The following SRRM3 variants were observed in gnomAD, a reference collection of about 807,000 sequenced individuals.
SRRM3 encodes serine/arginine repetitive matrix 3.
Under a neutral mutation model 66.2 loss-of-function variants are expected in SRRM3, and 27 were observed. That is an observed-to-expected ratio of 0.41 (90% CI 0.30 to 0.56). The LOEUF is 0.56. Among genes scored for constraint, SRRM3 ranks in the 20% least tolerant of loss-of-function variants. SRRM3 has a pLI of 0.32. For missense variants in SRRM3, 918 were observed against 991.9 expected, an observed-to-expected ratio of 0.93 and a Z score of 1.00; for synonymous variants, 391 against 414.9, an observed-to-expected ratio of 0.94 and a Z score of 0.70.
chr7:76,241,043 G>T (rs1801282681), intron 2 of SRRM3, among the ~76,000 whole-genome samples: 1 of 152,122 alleles, frequency 6.6e-6, no homozygotes, highest in Non-Finnish European at 1.5e-5. Context: ...GATTACAGGT[G>T]TATGCCACCA....
intron 1 of SRRM3, among the ~76,000 whole-genome samples, chr7:76,229,145 G>T (rs1288134779): frequency 6.6e-6 from 1 of 152,000 alleles, no homozygotes; most frequent in Non-Finnish European, 1.5e-5. Context: ...TGATCCACCT[G>T]CCTTGTCCTC....
At chr7:76,246,507 T>C (rs899999172) in intron 2 of SRRM3, among the ~76,000 whole-genome samples, 10 of 151,890 alleles carry the variant, frequency 6.6e-5, no homozygotes, top group African/African-American at 2.4e-4. Context: ...GAGGTTGCAG[T>C]GAGCTGAGAT....
chr7:76,271,545 G>C (rs781901585), intron 11 of SRRM3, among the ~76,000 whole-genome samples: 2 of 152,106 alleles, frequency 1.3e-5, no homozygotes, highest in Non-Finnish European at 2.9e-5. Context: ...TCAGGAGGCT[G>C]AGACAGGAGG....
At chr7:76,248,146 A>C (rs782440051) in intron 2 of SRRM3, 42 bp from the exon 3 acceptor site, 24 of 1,549,338 alleles carry the variant, frequency 1.5e-5, no homozygotes, top group Non-Finnish European at 2.1e-5. Flanking sequence ...AGGGAACCAA[A>C]TCTGGGAGAC....
chr7:76,231,489 A>C (rs1362018423), intron 1 of SRRM3, among the ~76,000 whole-genome samples: 2 of 152,228 alleles, frequency 1.3e-5, no homozygotes, highest in African/African-American at 4.8e-5. Flanking sequence ...GCTCAGGCCA[A>C]GTTCTAGGCT....
chr7:76,231,209 T>C (rs1801007126), intron 1 of SRRM3, among the ~76,000 whole-genome samples: 1 of 152,238 alleles, frequency 6.6e-6, no homozygotes. Flanking sequence ...AATGACCTGC[T>C]GCAGATTCCC....
rs554802951 is a variant in SRRM3 at position 76,252,015 on chromosome 7, G to A, written c.335+3726G>A. 2.6e-5 allele frequency among the ~76,000 whole-genome samples: 4 copies of A among 152,252 alleles called. No individual in the cohort carries two copies. In the East Asian group the frequency reaches 7.7e-4, roughly 29 times the overall value. Reference sequence around the variant, plus strand: ...GAACCCAGGAGGTGGAGTTTGCACTGAGCCAAGATCACGCAACCACACTAC... The same window carrying A: ...GAACCCAGGAGGTGGAGTTTGCACTAAGCCAAGATCACGCAACCACACTAC... On this transcript the variant is annotated intron_variant, in intron 3 of 14. Transcript: ENST00000611745.
chr7:76,244,523 CAAA>C lies in SRRM3; in HGVS notation c.234-3647_234-3645del, dbSNP rs10611441. On this transcript the variant is annotated intron_variant, in intron 2 of 14. Transcript: ENST00000611745. ...TGGGCGACAGAGCAAGACTCCATCT[CAAA>C]AAAAAAAAAAAAAAAAAGTTGAAGA... is the stretch of plus-strand genomic sequence containing the variant. Among the ~76,000 whole-genome samples the C allele has an allele frequency of 8.5e-3, 957 of 112,136 alleles. 10 individuals carry two copies. The highest frequency in any genetic ancestry group is 0.02 in the African/African-American group (596 of 29,178). 73.6% of individuals were successfully genotyped at this position (112,136 alleles called of 152,430 possible).
At chr7:76,227,951 C>T (rs529156734) in intron 1 of SRRM3, among the ~76,000 whole-genome samples, 93 of 152,150 alleles carry the variant, frequency 6.1e-4, no homozygotes, top group Non-Finnish European at 1.2e-3. Flanking sequence ...GTCACTGCAA[C>T]CTCCACCTCC....
intron 1 of SRRM3, 170 bp from the exon 2 acceptor site, chr7:76,234,858 G>A: frequency 7.1e-6 from 4 of 564,946 alleles, no homozygotes; most frequent in South Asian, 6.7e-5. Flanking sequence ...GTGCCCTGAG[G>A]TGTGACCCAA....
At chr7:76,249,069 C>T (rs1801509595) in intron 3 of SRRM3, among the ~76,000 whole-genome samples, 1 of 152,142 alleles carries the variant, frequency 6.6e-6, no homozygotes. Context: ...CCACTGCTAC[C>T]ATGACCAATG....
In SRRM3 at chr7:76,286,126, T is replaced by G; in HGVS notation, c.*283T>G. 2.0e-6 allele frequency: 1 copy of G among 505,052 alleles called. No individual in the cohort carries two copies. The highest frequency in any genetic ancestry group is 3.6e-6 in the Non-Finnish European group (1 of 274,120). 31.3% of individuals were successfully genotyped at this position (505,052 alleles called of 1,614,324 possible). On this transcript the variant is annotated 3_prime_UTR_variant, in exon 15 of 15. Coordinates refer to ENST00000611745, the MANE Select transcript of SRRM3 (RefSeq NM_001110199.3). ...CGTTACGAACACAGGAATCTCCCCA[T>G]CCCCCTTCCTGCTGATGCCAACTCA...
At chr7:76,250,323 C>T (rs544065596) in intron 3 of SRRM3, among the ~76,000 whole-genome samples, 1 of 152,208 alleles carries the variant, frequency 6.6e-6, no homozygotes, top group South Asian at 2.1e-4. Context: ...CCTCTGCCCC[C>T]CGGGTTCAAG....
chr7:76,271,153 A>C (rs1802200994), intron 11 of SRRM3, among the ~76,000 whole-genome samples: 1 of 151,466 alleles, frequency 6.6e-6, no homozygotes, highest in South Asian at 2.1e-4. Context: ...AAGGTCACAC[A>C]GCTATTTAGA....
At chr7:76,264,551 G>C (rs782744106) in intron 8 of SRRM3, among the ~76,000 whole-genome samples, 1 of 152,166 alleles carries the variant, frequency 6.6e-6, no homozygotes, top group Non-Finnish European at 1.5e-5. Context: ...AGGTGTTCAC[G>C]GGCCAGGACT....
intron 3 of SRRM3, among the ~76,000 whole-genome samples, chr7:76,254,768 G>A (rs955281777): frequency 1.3e-5 from 2 of 152,100 alleles, no homozygotes; most frequent in Admixed American, 6.6e-5. Flanking sequence ...GCACTTTTGC[G>A]GCTGAGGACC....
At chr7:76,237,345 G>A (rs986402360) in intron 2 of SRRM3, among the ~76,000 whole-genome samples, 1 of 152,270 alleles carries the variant, frequency 6.6e-6, no homozygotes. Flanking sequence ...GGCGGAGGTT[G>A]CACTGAGCTG....
At chr7:76,252,254 C>T (rs1042400885) in intron 3 of SRRM3, among the ~76,000 whole-genome samples, 1 of 152,154 alleles carries the variant, frequency 6.6e-6, no homozygotes, top group African/African-American at 2.4e-5. Context: ...GGTCAGCCAG[C>T]GCATTCAAGG....
chr7:76,235,278 A>G lies in SRRM3; in HGVS notation c.212A>G (p.Gln71Arg). Residue 71 changes from glutamine (Q) to arginine (R), a missense_variant, in exon 2 of 15, where the codon CAG becomes CGG. Transcript: ENST00000611745. ...RRVELKCMEL[Q>R]EMMEEQGYSE... ...GTGGAGCTCAAGTGCATGGAGCTGC[A>G]GGAGATGATGGAGGAGCAGGGGTGA... The G allele has an allele frequency of 6.6e-7, 1 of 1,526,702 alleles. No individual in the cohort carries two copies. 94.6% of individuals were successfully genotyped at this position (1,526,702 alleles called of 1,614,324 possible). A position where few individuals can be genotyped will look rare whatever the true frequency, so the allele number is the denominator to read the frequency against.
Sources: gnomAD v4.1 joint callset for allele counts (sites outside exome capture counted in the v4.1 genomes callset) on GRCh38, gnomAD v4.1.1 for gene constraint, MANE v1.5 for transcripts, NCBI Gene and HGNC (gene_info 2026-07-23, HGNC 2026-07-21) for gene names.